Variants in AGBL4 observed in about 807,000 individuals in gnomAD.
AGBL4 encodes the protein cytosolic carboxypeptidase 6.
Under a neutral mutation model 66.4 loss-of-function variants are expected in AGBL4, and 58 were observed. The ratio of observed to expected loss-of-function variants is 0.87; its 90% CI spans 0.71 to 1.09. The LOEUF (loss-of-function observed/expected upper bound fraction) is 1.09. AGBL4 is among the 50% of genes least tolerant of loss of function. AGBL4 has a pLI of 0.00. For synonymous variants in AGBL4, 234 were observed against 222.9 expected (o/e 1.05, Z -0.44); for missense variants, 579 against 631.0 (o/e 0.92, Z 0.88).
chr1:48,903,442 C>G (rs1652285483), intron 5 of AGBL4, among the ~76,000 whole-genome samples: 1 of 152,256 alleles, frequency 6.6e-6, no homozygotes, highest in East Asian at 1.9e-4. Flanking sequence ...CTTGGCCTGA[C>G]TCCCCAGTCC....
chr1:49,451,769 T>C (rs973260351), intron 3 of AGBL4, among the ~76,000 whole-genome samples: 1 of 151,964 alleles, frequency 6.6e-6, no homozygotes, highest in Non-Finnish European at 1.5e-5. Context: ...ATACCTTCAG[T>C]GCCGATTATA....
At position 48,559,894 on chromosome 1, in the gene AGBL4, C is replaced by T. The variant is rs553709996; in HGVS notation, c.1268-20156G>A. ...GGTATCCCTGTTGCCCCTCACAGGACCTGACACACAGTAAACAATGAGTGG... is the reference window on the plus strand; with the variant it reads ...GGTATCCCTGTTGCCCCTCACAGGATCTGACACACAGTAAACAATGAGTGG... On this transcript the variant is annotated intron_variant, in intron 11 of 13. Transcript: ENST00000371839. Among the ~76,000 whole-genome samples the T allele has an allele frequency of 2.5e-4, 38 of 152,240 alleles. 1 individual carries two copies. The South Asian group carries it at 7.5e-3, about 30-fold the overall frequency.
At chr1:48,721,479 C>T (rs573725890) in intron 6 of AGBL4, among the ~76,000 whole-genome samples, 85 of 152,292 alleles carry the variant, frequency 5.6e-4, no homozygotes, top group Non-Finnish European at 7.1e-4. Flanking sequence ...GCAACAAGGC[C>T]GGTGGGGTCC....
chr1:49,279,825 C>T (rs1187093530), intron 3 of AGBL4, among the ~76,000 whole-genome samples: 1 of 152,168 alleles, frequency 6.6e-6, no homozygotes, highest in Non-Finnish European at 1.5e-5. Context: ...CCTTGGGGGA[C>T]ATTTAGTTTA....
At chr1:49,372,588 TTC>T (rs1644369486) in intron 3 of AGBL4, among the ~76,000 whole-genome samples, 2 of 151,742 alleles carry the variant, frequency 1.3e-5, no homozygotes, top group African/African-American at 4.8e-5. Context: ...CAATCTTTCT[TTC>T]TTTCTTTTCT....
chr1:49,555,862 T>C (rs1422587648), intron 3 of AGBL4, among the ~76,000 whole-genome samples: 1 of 152,008 alleles, frequency 6.6e-6, no homozygotes, highest in Non-Finnish European at 1.5e-5. Context: ...TGGACATCAT[T>C]AAAAAGTCAG....
chr1:49,878,739 T>C (rs1264586200), intron 1 of AGBL4, among the ~76,000 whole-genome samples: 1 of 150,236 alleles, frequency 6.7e-6, no homozygotes, highest in African/African-American at 2.5e-5. Flanking sequence ...CTCGTTGATC[T>C]GTCTAATGTT....
intron 6 of AGBL4, among the ~76,000 whole-genome samples, chr1:48,785,093 A>T (rs1335563688): frequency 1.3e-5 from 2 of 152,168 alleles, no homozygotes; most frequent in Non-Finnish European, 2.9e-5. Flanking sequence ...TCCTCAGGAA[A>T]GTCCTCCCTG....
rs867336378 is a variant in AGBL4 at position 49,563,621 on chromosome 1, T to G, written c.282+133692A>C. 2.0e-5 allele frequency among the ~76,000 whole-genome samples: 3 copies of G among 152,080 alleles called. No homozygotes were observed. In the South Asian group the frequency reaches 6.2e-4, roughly 32 times the overall value. ...TATGCTGGATTACATTTATTGATTT[T>G]CATATGTTGAACCAGCCTTGCATCC... On this transcript the variant is annotated intron_variant, in intron 3 of 13. Coordinates refer to ENST00000371839, the MANE Select transcript of AGBL4 (RefSeq NM_032785.4).
At chr1:48,863,476 A>T (rs1331512090) in intron 6 of AGBL4, among the ~76,000 whole-genome samples, 1 of 152,140 alleles carries the variant, frequency 6.6e-6, no homozygotes, top group Non-Finnish European at 1.5e-5. Context: ...ACTGTATTTT[A>T]AAAATTTAAT....
intron 3 of AGBL4, among the ~76,000 whole-genome samples, chr1:49,564,878 T>C (rs1397019319): frequency 6.6e-6 from 1 of 151,990 alleles, no homozygotes; most frequent in Non-Finnish European, 1.5e-5. Context: ...CTTTCTGTCT[T>C]GTTGATCTGT....
At position 48,895,005 on chromosome 1, in the gene AGBL4, A is replaced by G. The variant is rs537832510; in HGVS notation, c.595-27775T>C. On this transcript the variant is annotated intron_variant, in intron 5 of 13. Transcript: ENST00000371839. ...AAATTGGCAGTGTTTCACTAGTTAA[A>G]AGGGTTAATTTCCTTGGACTTAGCA... Among the ~76,000 whole-genome samples, 23 of 152,288 alleles carry G rather than the reference A, an allele frequency of 1.5e-4. No individual in the cohort carries two copies. The South Asian group carries it at 4.6e-3, about 30-fold the overall frequency.
At chr1:49,548,311 T>C (rs990938665) in intron 3 of AGBL4, among the ~76,000 whole-genome samples, 6 of 152,214 alleles carry the variant, frequency 3.9e-5, no homozygotes, top group South Asian at 2.1e-4. Flanking sequence ...TCTTGTCTGA[T>C]TGCTCTGGCT....
intron 5 of AGBL4, among the ~76,000 whole-genome samples, chr1:48,870,707 C>CT (rs1442364583): frequency 2.0e-5 from 3 of 152,274 alleles, no homozygotes; most frequent in Admixed American, 1.3e-4. Flanking sequence ...CCTACAGCTC[C>CT]TACTGTCTGT....
chr1:49,921,838 G>T (rs1041542556), intron 1 of AGBL4, among the ~76,000 whole-genome samples: 1 of 152,134 alleles, frequency 6.6e-6, no homozygotes, highest in African/African-American at 2.4e-5. Context: ...CAGCCGATTG[G>T]ATGGTGCCCA....
intron 11 of AGBL4, among the ~76,000 whole-genome samples, chr1:48,578,479 G>C (rs1333770755): frequency 6.6e-6 from 1 of 152,132 alleles, no homozygotes. Flanking sequence ...TCTTAACAAA[G>C]CTTTGACCTT....
intron 3 of AGBL4, among the ~76,000 whole-genome samples, chr1:49,260,492 C>A (rs1299953370): frequency 6.6e-6 from 1 of 152,100 alleles, no homozygotes; most frequent in Admixed American, 6.5e-5. Context: ...ACCGATCCCA[C>A]AAAAATACAA....
chr1:49,823,298 G>A (rs1048359894), intron 2 of AGBL4, among the ~76,000 whole-genome samples: 4 of 152,178 alleles, frequency 2.6e-5, no homozygotes, highest in African/African-American at 4.8e-5. Flanking sequence ...ATAAGGCAGT[G>A]TGAAAATTGA....
At chr1:49,068,546 C>T (rs1392238971) in intron 4 of AGBL4, among the ~76,000 whole-genome samples, 1 of 152,138 alleles carries the variant, frequency 6.6e-6, no homozygotes, top group Non-Finnish European at 1.5e-5. Flanking sequence ...CATGTCCCTA[C>T]AAAGGACATG....
Sources: allele counts gnomAD v4.1 joint callset (sites outside exome capture counted in the v4.1 genomes callset), GRCh38; gene constraint gnomAD v4.1.1; transcripts MANE v1.5; gene names NCBI Gene and HGNC (gene_info 2026-07-23, HGNC 2026-07-21).